Variants in SASS6 observed in about 807,000 individuals in gnomAD.
The protein encoded by SASS6 is spindle assembly abnormal protein 6 homolog.
In SASS6, 59 loss-of-function variants were observed where a neutral mutation model predicts 94.9. That is an observed-to-expected ratio of 0.62 (90% CI 0.50 to 0.77). SASS6 has a LOEUF of 0.77. Among genes scored for constraint, SASS6 ranks in the 30% least tolerant of loss-of-function variants. SASS6 has a pLI of 0.00. For synonymous variants in SASS6, 264 were observed against 270.0 expected (o/e 0.98, Z 0.22); for missense variants, 698 against 734.1 (o/e 0.95, Z 0.57).
At chr1:100,120,877 C>T (rs1179870797) in intron 5 of SASS6, among the ~76,000 whole-genome samples, 2 of 151,570 alleles carry the variant, frequency 1.3e-5, no homozygotes, top group East Asian at 1.9e-4. Context: ...GGTGAAACCC[C>T]GTCTCTACTA....
At chr1:100,130,805 G>A (rs971025499) in intron 1 of SASS6, among the ~76,000 whole-genome samples, 40 of 152,030 alleles carry the variant, frequency 2.6e-4, no homozygotes, top group South Asian at 1.0e-3. Flanking sequence ...TAGGCTTTGC[G>A]GGCCATAAGG....
At chr1:100,119,827 C>T (rs1239353231) in intron 6 of SASS6, among the ~76,000 whole-genome samples, 3 of 152,186 alleles carry the variant, frequency 2.0e-5, no homozygotes, top group Non-Finnish European at 2.9e-5. Context: ...GATGTTGGTG[C>T]CATGCTTGTA....
intron 13 of SASS6, 34 bp from the exon 14 acceptor site, chr1:100,103,117 A>ATAAATTAATTC (rs1652624994): frequency 7.1e-7 from 1 of 1,404,352 alleles, no homozygotes; most frequent in Non-Finnish European, 9.9e-7. Context: ...ATTAAAGATG[A>ATAAATTAATTC]TAAATTAATT....
At chr1:100,128,179 G>A (rs994707198) in intron 1 of SASS6, among the ~76,000 whole-genome samples, 11 of 152,096 alleles carry the variant, frequency 7.2e-5, no homozygotes, top group Admixed American at 4.6e-4. Context: ...TGAGTTTACA[G>A]GGGCACAACA....
intron 2 of SASS6, 34 bp downstream of exon 2, chr1:100,125,848 G>C (rs201130862): frequency 1.9e-6 from 2 of 1,048,848 alleles, no homozygotes; most frequent in Non-Finnish European, 2.9e-6. Flanking sequence ...ACAATGTACC[G>C]AAATGATATT....
chr1:100,117,675 A>AT (rs2101679665), intron 7 of SASS6, among the ~76,000 whole-genome samples: 1 of 152,032 alleles, frequency 6.6e-6, no homozygotes, highest in African/African-American at 2.4e-5. Context: ...GAAAAAAAAA[A>AT]CAACCACACA....
intron 14 of SASS6, chr1:100,099,562 C>G (rs1342257011): frequency 2.0e-5 from 3 of 152,354 alleles, no homozygotes; most frequent in Non-Finnish European, 4.4e-5. Flanking sequence ...CCACTCTATG[C>G]TTGGGATAGG....
At chr1:100,105,618 G>A (rs1652843086) in intron 13 of SASS6, 149 bp downstream of exon 13, 2 of 660,030 alleles carry the variant, frequency 3.0e-6, no homozygotes, top group Non-Finnish European at 2.5e-6. Flanking sequence ...CACTTCCAGG[G>A]GCAACTTAAA....
At chr1:100,115,638 G>A (rs560682657) in intron 7 of SASS6, among the ~76,000 whole-genome samples, 43 of 152,194 alleles carry the variant, frequency 2.8e-4, no homozygotes, top group African/African-American at 5.5e-4. Flanking sequence ...GACCAGCGTG[G>A]GCAACATAGT....
intron 2 of SASS6, among the ~76,000 whole-genome samples, chr1:100,124,846 G>C (rs1047624522): frequency 1.3e-5 from 2 of 152,198 alleles, no homozygotes; most frequent in African/African-American, 2.4e-5. Context: ...GGAGCATACA[G>C]CTGAGATCCC....
intron 13 of SASS6, 55 bp downstream of exon 13, chr1:100,105,712 T>C (rs747949500): frequency 1.9e-5 from 30 of 1,542,392 alleles, no homozygotes; most frequent in Non-Finnish European, 2.4e-5. Context: ...AATCTGGAAA[T>C]ACTTTTGTTT....
At chr1:100,114,632 C>G (rs961198039) in intron 7 of SASS6, among the ~76,000 whole-genome samples, 4 of 151,950 alleles carry the variant, frequency 2.6e-5, no homozygotes, top group African/African-American at 9.7e-5. Flanking sequence ...GTGGGAGGGT[C>G]ACTTGAGCCC....
chr1:100,097,482 A>G (rs970367793), intron 14 of SASS6, among the ~76,000 whole-genome samples: 17 of 152,198 alleles, frequency 1.1e-4, no homozygotes, highest in African/African-American at 3.9e-4. Context: ...AGAACTACTG[A>G]CACACATTAC....
chr1:100,128,728 TGTC>T (rs1363551534), intron 1 of SASS6, among the ~76,000 whole-genome samples: 1 of 152,214 alleles, frequency 6.6e-6, no homozygotes, highest in Non-Finnish European at 1.5e-5. Context: ...TCTCAATAGA[TGTC>T]GTACTCAATA....
intron 2 of SASS6, among the ~76,000 whole-genome samples, chr1:100,124,173 G>T (rs1654401862): frequency 1.3e-5 from 2 of 152,190 alleles, no homozygotes; most frequent in Admixed American, 1.3e-4. Context: ...GGAATAACAT[G>T]TAAGAAGTAT....
rs1236868093 is a variant in SASS6, at chr1:100,083,767, C to T, written c.*1561G>A. 6.6e-6 allele frequency: 1 copy of T among 151,988 alleles called. No homozygotes were observed. The highest frequency in any genetic ancestry group is 1.5e-5 in the Non-Finnish European group (1 of 67,912). 9.4% of individuals were successfully genotyped at this position (151,988 alleles called of 1,614,324 possible). A position where few individuals can be genotyped will look rare whatever the true frequency, so the allele number is the denominator to read the frequency against. On this transcript the variant is annotated 3_prime_UTR_variant, in exon 17 of 17. Transcript: ENST00000287482. ...AATTTGCAAGATATCAGAATGATCT[C>T]TCCTGAAAATTCAACTTTCCTTGTG...
In SASS6 at chr1:100,107,850, A is replaced by C; in HGVS notation, c.1016T>G (p.Leu339Ter). ...QEIKDKDQLV[L>*]RTKEAFDTIQ... ...TGTATCAAATGCCTCTTTTGTTCTT[A>C]AAACAAGCTGGTCCTTATCCTTGAT... Residue 339 changes from leucine (L) to a stop codon, truncating the protein, a stop_gained, in exon 9 of 17, where the codon TTA becomes TGA. Coordinates refer to ENST00000287482, the MANE Select transcript of SASS6 (RefSeq NM_194292.3). LOFTEE classifies it high-confidence loss of function. 1.2e-6 allele frequency: 2 copies of C among 1,612,898 alleles called. No homozygotes were observed. Among genetic ancestry groups the C allele is most frequent in the Non-Finnish European group, 1.7e-6 (2 of 1,179,184 alleles).
intron 1 of SASS6, among the ~76,000 whole-genome samples, chr1:100,131,651 C>A (rs1003437901): frequency 6.6e-6 from 1 of 152,182 alleles, no homozygotes; most frequent in Non-Finnish European, 1.5e-5. Flanking sequence ...ACTAAACCTA[C>A]AGATCTCCAT....
rs142580229 is a variant in SASS6, at chr1:100,097,007, C to T, written c.1674+5948G>A. On this transcript the variant is annotated intron_variant, in intron 14 of 16. Transcript: ENST00000287482. The stretch of plus-strand genomic sequence containing the variant: ...GCGTGCACTTGTAACCCCAGCTACT[C>T]GGGAGGCTGAGGCATGAGAATTGCT... Among the ~76,000 whole-genome samples, 310 of 152,142 alleles carry T rather than the reference C, an allele frequency of 2.0e-3. 1 individual carries two copies. Among genetic ancestry groups the T allele is most frequent in the Middle Eastern group, 0.017 (5 of 294 alleles).
Sources: gnomAD v4.1 joint callset for allele counts (sites outside exome capture counted in the v4.1 genomes callset) on GRCh38, gnomAD v4.1.1 for gene constraint, MANE v1.5 for transcripts, NCBI Gene and HGNC (gene_info 2026-07-23, HGNC 2026-07-21) for gene names.